The following ELK3 variants were observed in gnomAD, a reference collection of about 807,000 sequenced individuals.
The protein encoded by ELK3 is ETS transcription factor ELK3, also known as ETS domain-containing protein Elk-3.
ELK3 carries 10 observed loss-of-function variants against 28.9 expected under a neutral mutation model. The observed-to-expected ratio is 0.35, with a 90% CI of 0.21 to 0.59. The LOEUF (loss-of-function observed/expected upper bound fraction) is 0.59, where lower values mean the gene tolerates loss of function less well. Ranked by LOEUF, ELK3 falls within the 20% of genes least tolerant of loss-of-function variation. ELK3 has a pLI of 0.82. For missense variants in ELK3, 463 were observed against 517.3 expected (o/e 0.90, Z 1.02); for synonymous variants, 272 against 243.5 (o/e 1.12, Z -1.09).
chr12:96,238,555 C>T (rs756995622), intron 2 of ELK3, among the ~76,000 whole-genome samples: 26 of 152,302 alleles, frequency 1.7e-4, no homozygotes, highest in South Asian at 1.0e-3. Context: ...ATGGTGGACA[C>T]GAGCTTCCTG....
intron 3 of ELK3, among the ~76,000 whole-genome samples, chr12:96,248,178 C>T (rs566469788): frequency 7.2e-5 from 11 of 152,256 alleles, no homozygotes; most frequent in African/African-American, 2.2e-4. Flanking sequence ...CAACTGATGC[C>T]GCCATCGCAT....
intron 1 of ELK3, among the ~76,000 whole-genome samples, chr12:96,208,438 G>A (rs1405314273): frequency 6.6e-6 from 1 of 152,228 alleles, no homozygotes. Flanking sequence ...AGATAAGAAA[G>A]TTCCCAGTTT....
At chr12:96,263,559 C>T (rs546135322) in intron 4 of ELK3, among the ~76,000 whole-genome samples, 4 of 152,276 alleles carry the variant, frequency 2.6e-5, no homozygotes, top group South Asian at 2.1e-4. Context: ...CAATGCTCTG[C>T]GACAAGGACT....
intron 2 of ELK3, among the ~76,000 whole-genome samples, chr12:96,244,427 A>C (rs962796604): frequency 1.3e-5 from 2 of 151,658 alleles, no homozygotes; most frequent in African/African-American, 4.9e-5. Context: ...ATGATGTTCC[A>C]AACCTATAAG....
intron 2 of ELK3, among the ~76,000 whole-genome samples, chr12:96,228,656 T>C (rs10777775): frequency 0.36 from 55,169 of 151,972 alleles, 10,239 homozygotes; most frequent in East Asian, 0.59. Flanking sequence ...GTGAAGATGC[T>C]TTCTTATTTA....
At chr12:96,261,443 C>A (rs1490911323) in intron 4 of ELK3, among the ~76,000 whole-genome samples, 2 of 152,112 alleles carry the variant, frequency 1.3e-5, no homozygotes, top group Non-Finnish European at 2.9e-5. Context: ...GAATACTAAT[C>A]TTTTGGTGGA....
chr12:96,226,939 T>C (rs1385158084), intron 2 of ELK3, among the ~76,000 whole-genome samples: 1 of 152,218 alleles, frequency 6.6e-6, no homozygotes. Context: ...CTACACTCTA[T>C]TTGACATTTT....
At chr12:96,210,883 A>G (rs1951573798) in intron 1 of ELK3, among the ~76,000 whole-genome samples, 1 of 152,216 alleles carries the variant, frequency 6.6e-6, no homozygotes, top group Non-Finnish European at 1.5e-5. Context: ...GTAGGAATGT[A>G]TTTCCCACGC....
chr12:96,230,978 G>A (rs958637305), intron 2 of ELK3, among the ~76,000 whole-genome samples: 3 of 152,188 alleles, frequency 2.0e-5, no homozygotes, highest in Non-Finnish European at 4.4e-5. Context: ...TTTGCAACCC[G>A]GGTATGGATG....
chr12:96,223,898 T>C, intron 2 of ELK3, 125 bp downstream of exon 2: 1 of 934,106 alleles, frequency 1.1e-6, no homozygotes, highest in Non-Finnish European at 1.6e-6. Context: ...GGGCAGTGCA[T>C]ACCTTCTTTT....
intron 1 of ELK3, among the ~76,000 whole-genome samples, chr12:96,198,435 G>A (rs1488465063): frequency 6.6e-6 from 1 of 152,182 alleles, no homozygotes; most frequent in African/African-American, 2.4e-5. Context: ...CCAGATGACT[G>A]TCTTCTGACC....
intron 3 of ELK3, among the ~76,000 whole-genome samples, chr12:96,256,093 C>G (rs1038986315): frequency 1.3e-5 from 2 of 152,034 alleles, no homozygotes; most frequent in African/African-American, 4.8e-5. Context: ...GTTGATTTGG[C>G]GATGGGGTAC....
intron 3 of ELK3, among the ~76,000 whole-genome samples, chr12:96,249,390 G>A (rs2137034891): frequency 6.6e-6 from 1 of 152,294 alleles, no homozygotes; most frequent in Non-Finnish European, 1.5e-5. Flanking sequence ...CGCCACTGCG[G>A]AGGGGGAGGG....
At chr12:96,251,958 G>A (rs1951910420) in intron 3 of ELK3, among the ~76,000 whole-genome samples, 1 of 152,246 alleles carries the variant, frequency 6.6e-6, no homozygotes, top group South Asian at 2.1e-4. Flanking sequence ...CTTCACTGTA[G>A]GTGAAACGGC....
chr12:96,216,966 G>A (rs2137009724), intron 1 of ELK3, among the ~76,000 whole-genome samples: 1 of 152,328 alleles, frequency 6.6e-6, no homozygotes, highest in East Asian at 1.9e-4. Flanking sequence ...ATAGAAAATA[G>A]CTAAACAGCT....
chr12:96,230,602 C>T (rs149378479), intron 2 of ELK3, among the ~76,000 whole-genome samples: 7 of 152,276 alleles, frequency 4.6e-5, no homozygotes, highest in African/African-American at 1.7e-4. Flanking sequence ...CAGGTCCACC[C>T]AAGAGGAGTC....
chr12:96,229,523 CTTTTTTTTTTTTT>C (rs10578974), intron 2 of ELK3, among the ~76,000 whole-genome samples: 1 of 66,272 alleles, frequency 1.5e-5, no homozygotes, highest in Non-Finnish European at 2.6e-5. Flanking sequence ...CCAGATTTTC[CTTTTTTTTTTTTT>C]TTTTTTTTTT....
chr12:96,251,581 G>A (rs1369764529), intron 3 of ELK3, among the ~76,000 whole-genome samples: 3 of 152,184 alleles, frequency 2.0e-5, no homozygotes, highest in Non-Finnish European at 2.9e-5. Flanking sequence ...TAAAGGAAGA[G>A]TTCCTGAAGG....
At chr12:96,228,958 G>A (rs1414571695) in intron 2 of ELK3, among the ~76,000 whole-genome samples, 2 of 152,214 alleles carry the variant, frequency 1.3e-5, no homozygotes, top group Non-Finnish European at 2.9e-5. Flanking sequence ...CTCAGTGAAG[G>A]CTCCTCATTC....
Sources: allele counts gnomAD v4.1 joint callset (sites outside exome capture counted in the v4.1 genomes callset), GRCh38; gene constraint gnomAD v4.1.1; transcripts MANE v1.5; gene names NCBI Gene and HGNC (gene_info 2026-07-23, HGNC 2026-07-21).